The following ATXN10 variants were observed in gnomAD, a reference collection of about 807,000 sequenced individuals.
ATXN10 encodes ataxin-10.
Under a neutral mutation model 52.9 loss-of-function variants are expected in ATXN10, and 28 were observed. The observed-to-expected ratio is 0.53, with a 90% confidence interval of 0.39 to 0.73. ATXN10 has a LOEUF of 0.73. Among genes scored for constraint, ATXN10 ranks in the 30% least tolerant of loss-of-function variants. ATXN10 has a pLI of 0.00. For synonymous variants in ATXN10, 226 were observed against 221.5 expected, an observed-to-expected ratio of 1.02 and a Z score of -0.18; for missense variants, 565 against 577.0, an observed-to-expected ratio of 0.98 and a Z score of 0.21.
Position 45,770,752 on chromosome 22 carries a change from C to A in ATXN10, c.1173+30214C>A, listed in dbSNP as rs1367001472. ...AGAGGGCTTCTCAAAGAAAGGGGAG[C>A]TAAGGGCAGGATCCAGCCACGTCAC... is the stretch of plus-strand genomic sequence containing the variant. On this transcript the variant is annotated intron_variant, in intron 9 of 11. Transcript: ENST00000252934. This position sits in a 1 kb window ranked among gnomAD's most constrained non-coding sequence, Gnocchi z 4.5. Among the ~76,000 whole-genome samples, 1 of 152,218 alleles carries A rather than the reference C, an allele frequency of 6.6e-6. No individual in the cohort carries two copies. Among genetic ancestry groups the A allele is most frequent in the African/African-American group, 2.4e-5 (1 of 41,460 alleles).
At chr22:45,760,669 T>C (rs1926353998) in intron 9 of ATXN10, 1 of 154,204 alleles carries the variant, frequency 6.5e-6, no homozygotes, top group African/African-American at 2.4e-5. Flanking sequence ...GTTCTGAGTA[T>C]TCGTCTCTTA....
In ATXN10 at chr22:45,690,394, C is replaced by CT. The variant is rs1188273986; in HGVS notation, c.308+492dup. Among the ~76,000 whole-genome samples the CT allele has an allele frequency of 2.0e-5, 3 of 152,038 alleles. No homozygotes were observed. The highest frequency in any genetic ancestry group is 7.2e-5 in the African/African-American group (3 of 41,382). ...TACAGGCCTTGCCATTGGAGTCTCT[C>CT]TGACTAGTGTATAAAATAATGGAGT... On this transcript the variant is annotated intron_variant, in intron 2 of 11. Transcript: ENST00000252934. The surrounding 1 kb of genome is among the most constrained non-coding windows in gnomAD (Gnocchi z 4.5).
chr22:45,696,558 C>A lies in ATXN10; in HGVS notation c.391+3480C>A, dbSNP rs1806369169. On this transcript the variant is annotated intron_variant, in intron 3 of 11. Coordinates refer to ENST00000252934, the MANE Select transcript of ATXN10 (RefSeq NM_013236.4). The surrounding 1 kb of genome is among the most constrained non-coding windows in gnomAD (Gnocchi z 4.7). ...GCCACTTGCCCACGCAGAAGCTTTT[C>A]TCCTGAAATTATCCCCTTGCTCTCA... 6.6e-6 allele frequency among the ~76,000 whole-genome samples: 1 copy of A among 152,254 alleles called. No homozygotes were observed.
chr22:45,732,300 A>C lies in ATXN10; in HGVS notation c.894+2710A>C, dbSNP rs184492167. 2.3e-3 allele frequency among the ~76,000 whole-genome samples: 353 copies of C among 151,194 alleles called. 2 individuals are homozygous for C. The highest frequency in any genetic ancestry group is 6.8e-3 in the Middle Eastern group (2 of 292). ...GAGACTCCATCTGTACAAAAAAAAA[A>C]CACAAAGAATTAGCTGGGTGTGGTG... is the stretch of plus-strand genomic sequence containing the variant. On this transcript the variant is annotated intron_variant, in intron 7 of 11. Transcript: ENST00000252934. This position sits in a 1 kb window ranked among gnomAD's most constrained non-coding sequence, Gnocchi z 4.5.
At chr22:45,802,808 A>G (rs995764402) in intron 9 of ATXN10, among the ~76,000 whole-genome samples, 5 of 152,192 alleles carry the variant, frequency 3.3e-5, no homozygotes, top group East Asian at 1.9e-4. Flanking sequence ...GCATATCTCA[A>G]GAGTTCTACT....
At chr22:45,743,782 A>G (rs2146806941) in intron 9 of ATXN10, among the ~76,000 whole-genome samples, 1 of 152,344 alleles carries the variant, frequency 6.6e-6, no homozygotes, top group South Asian at 2.1e-4. Context: ...TAATCTTTGC[A>G]TCAGCCTTGC....
In ATXN10 at chr22:45,825,509, A is replaced by G. The variant is rs1697367094; in HGVS notation, c.1238-17482A>G. 1.3e-5 allele frequency among the ~76,000 whole-genome samples: 2 copies of G among 152,186 alleles called. No individual in the cohort carries two copies. Among genetic ancestry groups the G allele is most frequent in the African/African-American group, 4.8e-5 (2 of 41,428 alleles). On this transcript the variant is annotated intron_variant, in intron 10 of 11. Coordinates refer to ENST00000252934, the MANE Select transcript of ATXN10 (RefSeq NM_013236.4). The surrounding 1 kb of genome is among the most constrained non-coding windows in gnomAD (Gnocchi z 4.5). ...ATCCTTGGCACAGAGACAGCCTGCA[A>G]CAATCCAGAAATAATAATAATAATG...
At chr22:45,834,687 A>C (rs765187343) in intron 10 of ATXN10, among the ~76,000 whole-genome samples, 1 of 152,186 alleles carries the variant, frequency 6.6e-6, no homozygotes, top group Non-Finnish European at 1.5e-5. Flanking sequence ...AAATATTTTA[A>C]ACACTCATAC....
chr22:45,751,024 G>A (rs1925927231), intron 9 of ATXN10, among the ~76,000 whole-genome samples: 1 of 151,936 alleles, frequency 6.6e-6, no homozygotes, highest in Admixed American at 6.6e-5. Flanking sequence ...TCTGCCTCCT[G>A]AGTTTGAGTG....
In ATXN10 at chr22:45,718,354, G is replaced by T; in HGVS notation, c.648-59G>T. Reference sequence around the variant, plus strand: ...TAAGTGGTGCCTATAAAGTAGATAAGGGCATGTCTCTTTTACTATGTTTCA... The same window carrying T: ...TAAGTGGTGCCTATAAAGTAGATAATGGCATGTCTCTTTTACTATGTTTCA... On this transcript the variant is annotated intron_variant, in intron 5 of 11. Coordinates refer to ENST00000252934, the MANE Select transcript of ATXN10 (RefSeq NM_013236.4). The surrounding 1 kb of genome is among the most constrained non-coding windows in gnomAD (Gnocchi z 4.4). 2 of 1,274,058 alleles carry T rather than the reference G, an allele frequency of 1.6e-6. No individual in the cohort carries two copies. Among genetic ancestry groups the T allele is most frequent in the South Asian group, 1.2e-5 (1 of 84,138 alleles). The allele number at this position is 1,274,058 out of a possible 1,614,324, so 78.9% of individuals were successfully genotyped here. A position where few individuals can be genotyped will look rare whatever the true frequency, so the allele number is the denominator to read the frequency against.
intron 7 of ATXN10, among the ~76,000 whole-genome samples, chr22:45,735,842 G>A (rs568890958): frequency 9.8e-6 from 1 of 102,020 alleles, no homozygotes; most frequent in South Asian, 3.2e-4. Flanking sequence ...TTTTGCCCTA[G>A]TGCCTGATTT....
At chr22:45,676,103 T>A (rs1922677071) in intron 1 of ATXN10, 1 of 152,226 alleles carries the variant, frequency 6.6e-6, no homozygotes, top group Admixed American at 6.5e-5. Context: ...TAGTTGCTCC[T>A]TTAATTATTT....
chr22:45,815,232 C>T (rs990500736), intron 10 of ATXN10, among the ~76,000 whole-genome samples: 1 of 152,128 alleles, frequency 6.6e-6, no homozygotes. Flanking sequence ...AAGCCAGATT[C>T]AAAAAGACCA....
rs1052099254 is a variant in ATXN10 at position 45,783,478 on chromosome 22, A to G, written c.1174-23481A>G. On this transcript the variant is annotated intron_variant, in intron 9 of 11. Transcript: ENST00000252934. This position sits in a 1 kb window ranked among gnomAD's most constrained non-coding sequence, Gnocchi z 5.0. The stretch of plus-strand genomic sequence containing the variant: ...ATTCTTTCTGTTGCTTTCAGGACAA[A>G]GTTAAAACTGGTAAGCTTGGCCTTC... Among the ~76,000 whole-genome samples the G allele has an allele frequency of 1.3e-5, 2 of 152,234 alleles. No individual in the cohort carries two copies. Among genetic ancestry groups the G allele is most frequent in the African/African-American group, 4.8e-5 (2 of 41,454 alleles).
chr22:45,747,435 T>C (rs1925774483), intron 9 of ATXN10, among the ~76,000 whole-genome samples: 1 of 151,998 alleles, frequency 6.6e-6, no homozygotes, highest in African/African-American at 2.4e-5. Context: ...GCCCAGGAGG[T>C]CGAGGCTGCA....
intron 9 of ATXN10, among the ~76,000 whole-genome samples, chr22:45,764,297 C>A (rs1926507299): frequency 6.8e-6 from 1 of 147,490 alleles, no homozygotes; most frequent in Non-Finnish European, 1.5e-5. Context: ...CTCTCAGATT[C>A]CCTCCTGTCA....
At chr22:45,836,201 G>A (rs1299824206) in intron 10 of ATXN10, among the ~76,000 whole-genome samples, 1 of 152,234 alleles carries the variant, frequency 6.6e-6, no homozygotes, top group Non-Finnish European at 1.5e-5. Context: ...TTTTCTGAAT[G>A]AGAAGAGTAT....
chr22:45,691,278 CT>C (rs1923364726), intron 2 of ATXN10, among the ~76,000 whole-genome samples: 1 of 152,196 alleles, frequency 6.6e-6, no homozygotes, highest in Non-Finnish European at 1.5e-5. Flanking sequence ...GTAGAACTAA[CT>C]TTTGACTGTG....
intron 9 of ATXN10, among the ~76,000 whole-genome samples, chr22:45,773,851 T>C (rs558490948): frequency 7.2e-5 from 11 of 152,034 alleles, no homozygotes; most frequent in Admixed American, 1.3e-4. Flanking sequence ...CTGATGTTTG[T>C]TTGTTTGTTT....
Sources: allele counts gnomAD v4.1 joint callset (sites outside exome capture counted in the v4.1 genomes callset), GRCh38; gene constraint gnomAD v4.1.1; non-coding constraint Gnocchi (gnomAD v3.1); transcripts MANE v1.5; gene names NCBI Gene and HGNC (gene_info 2026-07-23, HGNC 2026-07-21).